The following TXNDC16 variants were observed in gnomAD, a reference collection of about 807,000 sequenced individuals.
TXNDC16 encodes the protein thioredoxin domain-containing protein 16.
Under a neutral mutation model 85.6 loss-of-function variants are expected in TXNDC16, and 74 were observed. That is an observed-to-expected ratio of 0.86 (90% CI 0.72 to 1.05). TXNDC16 has a LOEUF of 1.05. Among genes scored for constraint, TXNDC16 ranks in the 50% least tolerant of loss-of-function variants. The pLI, the probability that TXNDC16 is intolerant of heterozygous loss-of-function variation, is 0.00. For synonymous variants in TXNDC16, 335 were observed against 326.5 expected (o/e 1.03, Z -0.28); for missense variants, 959 against 947.0 (o/e 1.01, Z -0.17).
intron 9 of TXNDC16, among the ~76,000 whole-genome samples, chr14:52,503,909 C>G (rs1017303106): frequency 6.6e-6 from 1 of 152,068 alleles, no homozygotes; most frequent in Admixed American, 6.5e-5. Flanking sequence ...AACTATGGCA[C>G]GAGAACTACG....
In TXNDC16 at chr14:52,440,738, G is replaced by A; in HGVS notation, c.1843-14C>T. The A allele has an allele frequency of 6.3e-7, 1 of 1,598,792 alleles. No homozygotes were observed. The highest frequency in any genetic ancestry group is 8.5e-7 in the Non-Finnish European group (1 of 1,175,236). ...AGTGATTTCCGGCTGTCAAAGAAAA[G>A]GAATAACAACAATAAAAAATGCATT... On this transcript the variant is annotated splice_polypyrimidine_tract_variant and intron_variant, in intron 18 of 20. Transcript: ENST00000281741.
rs148400015 is a variant in TXNDC16, at chr14:52,438,576, G to T, written c.2194+628C>A. Among the ~76,000 whole-genome samples the T allele has an allele frequency of 4.8e-3, 734 of 152,260 alleles. 14 individuals carry two copies. Among genetic ancestry groups the T allele is most frequent in the Admixed American group, 0.039 (602 of 15,280 alleles). The stretch of plus-strand genomic sequence containing the variant: ...TACACATTTAATAGACTTCAGTATA[G>T]TGTAAACATAACTTTTATATATACT... On this transcript the variant is annotated intron_variant, in intron 20 of 20. Coordinates refer to ENST00000281741, the MANE Select transcript of TXNDC16 (RefSeq NM_020784.3).
At chr14:52,451,523 G>C (rs147677776) in intron 18 of TXNDC16, among the ~76,000 whole-genome samples, 182 of 152,108 alleles carry the variant, frequency 1.2e-3, no homozygotes, top group Admixed American at 2.3e-3. Context: ...TTACCCCAAG[G>C]ATGCGAGGAT....
intron 9 of TXNDC16, among the ~76,000 whole-genome samples, chr14:52,506,527 CTTTTTTTT>C (rs765293725): frequency 1.0e-5 from 1 of 97,540 alleles, no homozygotes; most frequent in African/African-American, 4.4e-5. Flanking sequence ...TTCAACAACC[CTTTTTTTT>C]TTTTTTTTTT....
chr14:52,537,098 A>G (rs1277534066), intron 5 of TXNDC16, among the ~76,000 whole-genome samples: 1 of 150,194 alleles, frequency 6.7e-6, no homozygotes, highest in Non-Finnish European at 1.5e-5. Flanking sequence ...ACACACACAC[A>G]TTCCCCAAAT....
chr14:52,480,961 G>GTATATATATATATGTATATATATA (rs2036132659), intron 14 of TXNDC16, among the ~76,000 whole-genome samples: 3 of 118,566 alleles, frequency 2.5e-5, no homozygotes, highest in Non-Finnish European at 3.4e-5. Context: ...GTGTGTGTGT[G>GTATATATATATATGTATATATATA]TATATATATA....
chr14:52,519,787 C>T (rs2037167792), intron 6 of TXNDC16, among the ~76,000 whole-genome samples: 1 of 152,184 alleles, frequency 6.6e-6, no homozygotes, highest in South Asian at 2.1e-4. Flanking sequence ...GAAGCTATTC[C>T]TTTTGCTCCA....
intron 9 of TXNDC16, among the ~76,000 whole-genome samples, chr14:52,492,703 A>G (rs1031798495): frequency 6.6e-6 from 1 of 152,186 alleles, no homozygotes; most frequent in Non-Finnish European, 1.5e-5. Context: ...GAAGGCACTA[A>G]GAAATCCCAT....
chr14:52,482,761 A>G (rs960329288), intron 13 of TXNDC16, 61 bp downstream of exon 13: 11 of 1,483,416 alleles, frequency 7.4e-6, no homozygotes, highest in Admixed American at 2.4e-5. Context: ...GAATGCCAAA[A>G]ATTAAATCTG....
At chr14:52,500,414 C>T (rs958545039) in intron 9 of TXNDC16, among the ~76,000 whole-genome samples, 4 of 152,022 alleles carry the variant, frequency 2.6e-5, no homozygotes, top group East Asian at 1.9e-4. Flanking sequence ...CAAACTCATA[C>T]GAATGGAAAG....
intron 11 of TXNDC16, among the ~76,000 whole-genome samples, chr14:52,488,746 A>G (rs2036330699): frequency 6.7e-6 from 1 of 150,006 alleles, no homozygotes; most frequent in Admixed American, 6.7e-5. Flanking sequence ...AAACAGGAGA[A>G]TCGTCTGAAC....
intron 12 of TXNDC16, among the ~76,000 whole-genome samples, chr14:52,484,254 G>A (rs1024289566): frequency 2.0e-5 from 3 of 151,952 alleles, no homozygotes; most frequent in African/African-American, 7.3e-5. Flanking sequence ...CTGGGGCCAA[G>A]TAATGGATAA....
intron 4 of TXNDC16, among the ~76,000 whole-genome samples, chr14:52,538,622 T>C (rs996559950): frequency 8.6e-5 from 13 of 152,040 alleles, no homozygotes; most frequent in Middle Eastern, 6.8e-3. Context: ...TATATGCAGA[T>C]TGAGATAGAG....
intron 1 of TXNDC16, among the ~76,000 whole-genome samples, chr14:52,549,198 G>A (rs1205682519): frequency 6.6e-6 from 1 of 152,210 alleles, no homozygotes; most frequent in Non-Finnish European, 1.5e-5. Flanking sequence ...TAATGGTCCT[G>A]CTGGCATGGA....
At position 52,547,920 on chromosome 14, in the gene TXNDC16, C is replaced by T. The variant is rs79381193; in HGVS notation, c.-181-3549G>A. On this transcript the variant is annotated intron_variant, in intron 1 of 20. Transcript: ENST00000281741. ...GTTCAAATGTTTCTAGTTCTCTGCA[C>T]GTTAAAATTATACATCTCACTTCCT... 4.9e-3 allele frequency among the ~76,000 whole-genome samples: 743 copies of T among 152,322 alleles called. 14 individuals are homozygous for T. Among genetic ancestry groups the T allele is most frequent in the Admixed American group, 0.039 (601 of 15,302 alleles).
At chr14:52,542,302 T>C in intron 4 of TXNDC16, 69 bp downstream of exon 4, 1 of 992,178 alleles carries the variant, frequency 1.0e-6, no homozygotes, top group Non-Finnish European at 1.5e-6. Context: ...TTTTAAGATA[T>C]TCAATCTTAA....
chr14:52,517,525 C>T (rs752794684), intron 7 of TXNDC16, among the ~76,000 whole-genome samples: 9 of 152,074 alleles, frequency 5.9e-5, no homozygotes, highest in African/African-American at 1.9e-4. Flanking sequence ...AACCAAAAAA[C>T]GTTTATAAAC....
chr14:52,455,849 T>C (rs1040352001), intron 17 of TXNDC16, among the ~76,000 whole-genome samples: 2 of 152,198 alleles, frequency 1.3e-5, no homozygotes, highest in Non-Finnish European at 2.9e-5. Flanking sequence ...CCAGGCACTA[T>C]ACTAGGTATT....
intron 8 of TXNDC16, among the ~76,000 whole-genome samples, chr14:52,511,983 G>T (rs1367644736): frequency 6.6e-6 from 1 of 152,124 alleles, no homozygotes; most frequent in Non-Finnish European, 1.5e-5. Flanking sequence ...TTATAGTGGA[G>T]ATAAGGTTTG....
Sources: allele counts gnomAD v4.1 joint callset (sites outside exome capture counted in the v4.1 genomes callset), GRCh38; gene constraint gnomAD v4.1.1; transcripts MANE v1.5; gene names NCBI Gene and HGNC (gene_info 2026-07-23, HGNC 2026-07-21).